RIMS1: variants seen among roughly 807,000 people sequenced by gnomAD.
The protein encoded by RIMS1 is regulating synaptic membrane exocytosis 1.
A neutral mutation model predicts 214.1 loss-of-function variants in RIMS1; 83 were observed. The observed-to-expected ratio is 0.39, with a 90% CI of 0.32 to 0.47. The LOEUF (loss-of-function observed/expected upper bound fraction) is 0.47, where lower values mean the gene tolerates loss of function less well. Ranked by LOEUF, RIMS1 falls within the 20% of genes least tolerant of loss-of-function variation. The pLI, the probability that RIMS1 is intolerant of heterozygous loss-of-function variation, is 0.99. For missense variants in RIMS1, 2,050 were observed against 2,161.8 expected (o/e 0.95, Z 1.03); for synonymous variants, 793 against 786.8 (o/e 1.01, Z -0.13).
chr6:72,116,217 C>A (rs1402317669), intron 4 of RIMS1, among the ~76,000 whole-genome samples: 1 of 151,882 alleles, frequency 6.6e-6, no homozygotes, highest in Non-Finnish European at 1.5e-5. Context: ...GAAAAATAGG[C>A]AGTACCCAAC....
chr6:72,235,667 G>A lies in RIMS1; in HGVS notation c.1796G>A (p.Arg599His), dbSNP rs772096503. The A allele has an allele frequency of 9.3e-6, 15 of 1,611,150 alleles. No individual in the cohort carries two copies. Among genetic ancestry groups the A allele is most frequent in the African/African-American group, 4.0e-5 (3 of 74,816 alleles). ...AAAGAGGGGGACCGATTAATTGGAC[G>A]TGTTATTCTTAACAAGAGAACAACC... ...PSKEGDRLIGRVILNKRTTMP... is the reference protein window; with the variant it reads ...PSKEGDRLIGHVILNKRTTMP... Residue 599 changes from arginine to histidine, a missense_variant, in exon 8 of 34, where the codon CGT (arginine) becomes CAT (histidine). By Grantham distance (29) the Arg-to-His change is conservative (BLOSUM62 0). Transcript: ENST00000521978.
At chr6:72,370,641 C>T (rs2098186997) in intron 29 of RIMS1, among the ~76,000 whole-genome samples, 1 of 152,108 alleles carries the variant, frequency 6.6e-6, no homozygotes, top group South Asian at 2.1e-4. Flanking sequence ...ATCTACAGTG[C>T]TTATAACAAT....
At chr6:72,235,063 CTTTTA>C (rs999005730) in intron 7 of RIMS1, among the ~76,000 whole-genome samples, 35 of 152,010 alleles carry the variant, frequency 2.3e-4, no homozygotes, top group African/African-American at 7.2e-4. Context: ...TTCCTATTCT[CTTTTA>C]TTTTATTTTT....
At chr6:72,017,619 C>G (rs568202020) in intron 2 of RIMS1, among the ~76,000 whole-genome samples, 1 of 152,208 alleles carries the variant, frequency 6.6e-6, no homozygotes, top group East Asian at 1.9e-4. Context: ...GGAAACTGTT[C>G]TGGATTCTAG....
At chr6:72,225,604 G>A (rs563792258) in intron 6 of RIMS1, among the ~76,000 whole-genome samples, 2 of 152,104 alleles carry the variant, frequency 1.3e-5, no homozygotes, top group Non-Finnish European at 2.9e-5. Flanking sequence ...TTAACATCCA[G>A]TCCCCAAACA....
At chr6:72,299,523 A>C (rs1289070804) in intron 26 of RIMS1, among the ~76,000 whole-genome samples, 1 of 151,830 alleles carries the variant, frequency 6.6e-6, no homozygotes, top group Non-Finnish European at 1.5e-5. Flanking sequence ...CTAGTCAACT[A>C]TATTTTTTTT....
At chr6:72,245,410 G>A (rs1164173125) in intron 10 of RIMS1, among the ~76,000 whole-genome samples, 2 of 151,694 alleles carry the variant, frequency 1.3e-5, no homozygotes, top group East Asian at 3.9e-4. Context: ...CCTTTCACTT[G>A]GTAAACTCTT....
intron 22 of RIMS1, among the ~76,000 whole-genome samples, chr6:72,271,286 A>AATATATATATATATATATAT (rs1222564699): frequency 9.5e-4 from 42 of 44,314 alleles, no homozygotes; most frequent in South Asian, 3.6e-3. Context: ...AAAAAAAAAA[A>AATATATATATATATATATAT]ATATATATAT....
chr6:72,181,812 G>A (rs2048444897), intron 5 of RIMS1, among the ~76,000 whole-genome samples: 1 of 152,130 alleles, frequency 6.6e-6, no homozygotes, highest in Non-Finnish European at 1.5e-5. Context: ...GTTAGAAACA[G>A]AAAATTAAAG....
intron 29 of RIMS1, among the ~76,000 whole-genome samples, chr6:72,387,834 T>C (rs1472595877): frequency 6.6e-6 from 1 of 152,252 alleles, no homozygotes; most frequent in East Asian, 1.9e-4. Context: ...TAATTCATTC[T>C]GTAGAAGCTC....
intron 29 of RIMS1, among the ~76,000 whole-genome samples, chr6:72,367,705 A>G (rs1344548722): frequency 6.6e-6 from 1 of 152,168 alleles, no homozygotes; most frequent in Non-Finnish European, 1.5e-5. Flanking sequence ...TATATATTCA[A>G]AAACAGTGCT....
At chr6:72,111,563 G>C (rs896981591) in intron 4 of RIMS1, among the ~76,000 whole-genome samples, 2 of 152,114 alleles carry the variant, frequency 1.3e-5, no homozygotes, top group African/African-American at 4.8e-5. Flanking sequence ...CCTCAGTAAA[G>C]TTCCACTTTT....
intron 1 of RIMS1, among the ~76,000 whole-genome samples, chr6:71,962,835 A>AT (rs778802084): frequency 2.6e-5 from 4 of 151,984 alleles, no homozygotes; most frequent in African/African-American, 7.2e-5. Context: ...TTTCACCTTT[A>AT]TTTTTTTGTA....
At chr6:72,262,864 C>T (rs1010180808) in intron 19 of RIMS1, 5 of 586,712 alleles carry the variant, frequency 8.5e-6, no homozygotes, top group African/African-American at 2.0e-5. Context: ...TTACTAGTCT[C>T]TAGTAAACAT....
rs71540331 is a variant in RIMS1 at position 72,221,291 on chromosome 6, A to AGTGTGTGT, written c.1679-12458_1679-12451dup. 3.0e-3 allele frequency among the ~76,000 whole-genome samples: 418 copies of AGTGTGTGT among 138,626 alleles called. 3 individuals are homozygous for AGTGTGTGT. The highest frequency in any genetic ancestry group is 0.011 in the African/African-American group (406 of 38,090). 90.9% of individuals were successfully genotyped at this position (138,626 alleles called of 152,430 possible). On this transcript the variant is annotated intron_variant, in intron 6 of 33. Coordinates refer to ENST00000521978, the MANE Select transcript of RIMS1 (RefSeq NM_014989.7). ...ATGGTAGGCCCAAAGATCTGGGGTG[A>AGTGTGTGT]GTGTGTGTGTGTGTGTGTGTGTGTG...
intron 6 of RIMS1, among the ~76,000 whole-genome samples, chr6:72,228,737 T>A (rs764920562): frequency 6.6e-6 from 1 of 151,928 alleles, no homozygotes; most frequent in Non-Finnish European, 1.5e-5. Flanking sequence ...GTTTATACTG[T>A]TTTCCATAGT....
chr6:72,159,558 A>G (rs2044993353), intron 4 of RIMS1, among the ~76,000 whole-genome samples: 1 of 140,650 alleles, frequency 7.1e-6, no homozygotes, highest in South Asian at 2.4e-4. Flanking sequence ...TCTTGAATTA[A>G]TTTTTGTGTA....
intron 2 of RIMS1, among the ~76,000 whole-genome samples, chr6:72,011,624 A>G: frequency 6.6e-6 from 1 of 152,190 alleles, no homozygotes; most frequent in Non-Finnish European, 1.5e-5. Flanking sequence ...AACTCAAACA[A>G]ATTTACAAGA....
intron 4 of RIMS1, among the ~76,000 whole-genome samples, chr6:72,116,625 G>A (rs775512519): frequency 4.6e-5 from 7 of 151,844 alleles, no homozygotes; most frequent in Non-Finnish European, 8.8e-5. Context: ...AATATCTTAG[G>A]CTTTGTGAGC....
Sources: allele counts gnomAD v4.1 joint callset (sites outside exome capture counted in the v4.1 genomes callset), GRCh38; gene constraint gnomAD v4.1.1; transcripts MANE v1.5; gene names NCBI Gene and HGNC (gene_info 2026-07-23, HGNC 2026-07-21).